AGBL1: variants seen among roughly 807,000 people sequenced by gnomAD.
The protein encoded by AGBL1 is AGBL carboxypeptidase 1, also known as cytosolic carboxypeptidase 4.
A neutral mutation model predicts 118.9 loss-of-function variants in AGBL1; 130 were observed. That is an observed-to-expected ratio of 1.09 (90% CI 0.95 to 1.26). The LOEUF is 1.26. Among genes scored for constraint, AGBL1 ranks in the 50% most tolerant of loss-of-function variants. The probability of loss-of-function intolerance (pLI) is 0.00; values close to 1 mark genes in which losing one functional copy is unlikely to be tolerated. For synonymous variants in AGBL1, 555 were observed against 478.9 expected (o/e 1.16, Z -2.08); for missense variants, 1,584 against 1,298.1 (o/e 1.22, Z -3.38).
At chr15:86,858,647 A>G (rs987807102) in intron 22 of AGBL1, among the ~76,000 whole-genome samples, 2 of 152,240 alleles carry the variant, frequency 1.3e-5, no homozygotes, top group African/African-American at 4.8e-5. Flanking sequence ...CTTGCTCTCT[A>G]AGAGCTTACA....
chr15:86,665,409 T>G (rs750730082), intron 21 of AGBL1, among the ~76,000 whole-genome samples: 6 of 152,140 alleles, frequency 3.9e-5, no homozygotes, highest in African/African-American at 1.4e-4. Context: ...TTCCAGTCCA[T>G]TTCCAGGAGA....
At chr15:86,821,185 G>C (rs1340888249) in intron 22 of AGBL1, among the ~76,000 whole-genome samples, 2 of 152,100 alleles carry the variant, frequency 1.3e-5, no homozygotes, top group African/African-American at 4.8e-5. Context: ...GGAGATTGGG[G>C]GGTTGGGGGA....
chr15:86,914,985 C>G lies in AGBL1; in HGVS notation c.*7691C>G, dbSNP rs943613724. ...AAATCTCTACCTCCAAATTCCTAAA[C>G]TTGATTATGCCGATAGTAAACCGGC... On this transcript the variant is annotated 3_prime_UTR_variant, in exon 23 of 23. Transcript: ENST00000614907. The G allele has an allele frequency of 6.6e-6, 1 of 152,184 alleles. No individual in the cohort carries two copies. Among genetic ancestry groups the G allele is most frequent in the African/African-American group, 2.4e-5 (1 of 41,456 alleles). The allele number at this position is 152,184 out of a possible 1,614,324, so 9.4% of individuals were successfully genotyped here. A position where few individuals can be genotyped will look rare whatever the true frequency, so the allele number is the denominator to read the frequency against.
chr15:86,142,794 C>T (rs1312624814), intron 2 of AGBL1, among the ~76,000 whole-genome samples: 4 of 152,166 alleles, frequency 2.6e-5, no homozygotes, highest in Non-Finnish European at 5.9e-5. Flanking sequence ...TAAGTGAAGT[C>T]ACTCGTCTTC....
At chr15:86,352,766 T>G (rs1195952261) in intron 17 of AGBL1, among the ~76,000 whole-genome samples, 9 of 152,122 alleles carry the variant, frequency 5.9e-5, no homozygotes, top group Admixed American at 5.9e-4. Flanking sequence ...GATTACAGGC[T>G]TGAGCCACCA....
At chr15:86,848,028 G>A (rs1440771610) in intron 22 of AGBL1, among the ~76,000 whole-genome samples, 1 of 152,048 alleles carries the variant, frequency 6.6e-6, no homozygotes, top group African/African-American at 2.4e-5. Context: ...TGCTTAGTGT[G>A]GGGTGTTTTT....
chr15:86,526,544 G>GTATATA (rs1555422465), intron 19 of AGBL1, among the ~76,000 whole-genome samples: 1,884 of 119,324 alleles, frequency 0.016, 27 homozygotes, highest in Middle Eastern at 0.034. Flanking sequence ...TTGTGTCTGT[G>GTATATA]TATATATATA....
chr15:86,243,798 C>T (rs1445443810), intron 6 of AGBL1, among the ~76,000 whole-genome samples: 2 of 152,096 alleles, frequency 1.3e-5, no homozygotes, highest in Admixed American at 6.5e-5. Context: ...CACTTGAGGT[C>T]AGGAGTTCGA....
intron 23 of AGBL1, among the ~76,000 whole-genome samples, chr15:86,932,242 C>G (rs2080614888): frequency 6.6e-6 from 1 of 152,164 alleles, no homozygotes; most frequent in African/African-American, 2.4e-5. Context: ...ATGTAAAATT[C>G]CCTAAGTGCA....
chr15:86,156,794 C>CTTTTTTTTTTTTTTTTTTTTTTTTT (rs773611214), intron 4 of AGBL1, among the ~76,000 whole-genome samples: 1 of 105,564 alleles, frequency 9.5e-6, no homozygotes. Context: ...TCTTTTCTTT[C>CTTTTTTTTTTTTTTTTTTTTTTTTT]TTTTTTTTTT....
At chr15:86,982,340 A>G (rs140744609) in intron 23 of AGBL1, among the ~76,000 whole-genome samples, 2 of 152,174 alleles carry the variant, frequency 1.3e-5, no homozygotes, top group East Asian at 3.9e-4. Flanking sequence ...TTACTCTTTT[A>G]TAGTATACAT....
At chr15:86,714,982 T>C (rs577085258) in intron 22 of AGBL1, among the ~76,000 whole-genome samples, 13 of 152,270 alleles carry the variant, frequency 8.5e-5, no homozygotes, top group South Asian at 4.1e-4. Flanking sequence ...TCAAATAAAG[T>C]TAAGTACTTT....
At chr15:86,299,940 G>A (rs1007092173) in intron 17 of AGBL1, 1 of 152,058 alleles carries the variant, frequency 6.6e-6, no homozygotes, top group Non-Finnish European at 1.5e-5. Context: ...ATCCTGGAAA[G>A]AAGAATGATT....
intron 22 of AGBL1, among the ~76,000 whole-genome samples, chr15:86,799,698 A>C (rs1017316322): frequency 2.5e-4 from 38 of 152,008 alleles, no homozygotes; most frequent in African/African-American, 9.2e-4. Context: ...GACTTTGGAC[A>C]AAAAAAAGAA....
chr15:86,508,146 T>C (rs1445768149), intron 18 of AGBL1, among the ~76,000 whole-genome samples: 1 of 151,758 alleles, frequency 6.6e-6, no homozygotes, highest in Non-Finnish European at 1.5e-5. Flanking sequence ...ATGATCTCGA[T>C]CTCTTGACCT....
At chr15:86,745,082 A>G (rs556454738) in intron 22 of AGBL1, among the ~76,000 whole-genome samples, 8 of 152,112 alleles carry the variant, frequency 5.3e-5, no homozygotes, top group Non-Finnish European at 1.2e-4. Flanking sequence ...CTGTTTGCTG[A>G]TCCATTTCTT....
intron 24 of AGBL1, among the ~76,000 whole-genome samples, chr15:86,991,047 A>G (rs2081332021): frequency 6.6e-6 from 1 of 152,194 alleles, no homozygotes; most frequent in Non-Finnish European, 1.5e-5. Flanking sequence ...TTAGCATTAC[A>G]TTTTATAAGA....
intron 1 of AGBL1, among the ~76,000 whole-genome samples, chr15:86,087,558 G>A (rs577076001): frequency 2.6e-5 from 4 of 152,282 alleles, no homozygotes; most frequent in South Asian, 2.1e-4. Context: ...TGGAACTCCT[G>A]ACCTCAAGTG....
chr15:86,916,907 C>T (rs949586235), downstream of AGBL1, among the ~76,000 whole-genome samples: 18 of 152,148 alleles, frequency 1.2e-4, no homozygotes, highest in African/African-American at 3.4e-4. Context: ...CAGAGCAGTG[C>T]CGTTGATATC....
Sources: gnomAD v4.1 joint callset for allele counts (sites outside exome capture counted in the v4.1 genomes callset) on GRCh38, gnomAD v4.1.1 for gene constraint, MANE v1.5 for transcripts, NCBI Gene and HGNC (gene_info 2026-07-23, HGNC 2026-07-21) for gene names.